Variants in CP observed in about 807,000 individuals in gnomAD.
CP encodes ceruloplasmin, also known as caeruloplasmin.
A neutral mutation model predicts 122.4 loss-of-function variants in CP; 64 were observed. That is an observed-to-expected ratio of 0.52 (90% CI 0.43 to 0.64). CP has a LOEUF of 0.64. Among genes scored for constraint, CP ranks in the 30% least tolerant of loss-of-function variants. The probability of loss-of-function intolerance (pLI) is 0.00; values close to 1 mark genes in which losing one functional copy is unlikely to be tolerated. For synonymous variants in CP, 440 were observed against 436.4 expected (o/e 1.01, Z -0.10); for missense variants, 1,167 against 1,284.4 (o/e 0.91, Z 1.40).
intron 9 of CP, among the ~76,000 whole-genome samples, chr3:149,197,265 A>C (rs1002121054): frequency 1.1e-4 from 16 of 152,216 alleles, no homozygotes; most frequent in African/African-American, 3.9e-4. Flanking sequence ...CATGAAAGTC[A>C]TACTCTTTCT....
At chr3:149,187,987 G>A in intron 10 of CP, 65 bp downstream of exon 10, 10 of 1,553,716 alleles carry the variant, frequency 6.4e-6, no homozygotes, top group Non-Finnish European at 8.9e-6. Flanking sequence ...ATTTTGTTTA[G>A]TTAAAAGCAT....
intron 14 of CP, among the ~76,000 whole-genome samples, chr3:149,180,960 G>A (rs1268333083): frequency 6.6e-6 from 1 of 151,898 alleles, no homozygotes; most frequent in Non-Finnish European, 1.5e-5. Flanking sequence ...ACCAGAATAT[G>A]ATAACATCTC....
At chr3:149,186,832 A>G (rs1388537759) in intron 10 of CP, 100 bp from the exon 11 acceptor site, 1 of 1,083,992 alleles carries the variant, frequency 9.2e-7, no homozygotes, top group Non-Finnish European at 1.4e-6. Flanking sequence ...TTAATTTTTA[A>G]AAGACCTATT....
At chr3:149,209,610 C>T (rs1468890827) in intron 3 of CP, among the ~76,000 whole-genome samples, 1 of 152,122 alleles carries the variant, frequency 6.6e-6, no homozygotes, top group East Asian at 1.9e-4. Flanking sequence ...CCACTGACCA[C>T]ATAACTATTA....
At chr3:149,189,698 GAAC>G (rs1484178417) in intron 9 of CP, among the ~76,000 whole-genome samples, 1 of 152,024 alleles carries the variant, frequency 6.6e-6, no homozygotes, top group Admixed American at 6.5e-5. Context: ...ACCAGGTAAA[GAAC>G]AACAAAAGTC....
intron 14 of CP, chr3:149,180,147 GATC>G (rs1415986193): frequency 5.3e-6 from 1 of 189,860 alleles, no homozygotes; most frequent in Non-Finnish European, 1.1e-5. Context: ...CCTCTCTCAT[GATC>G]ATCCTTAGTG....
intron 9 of CP, among the ~76,000 whole-genome samples, chr3:149,197,569 A>G (rs1369236104): frequency 6.6e-6 from 1 of 152,142 alleles, no homozygotes; most frequent in Non-Finnish European, 1.5e-5. Context: ...TAGTTATAGG[A>G]AATAAAAGCA....
At chr3:149,186,829 T>C in intron 10 of CP, 97 bp from the exon 11 acceptor site, 1 of 1,098,544 alleles carries the variant, frequency 9.1e-7, no homozygotes, top group Non-Finnish European at 1.4e-6. Context: ...TTTTTAATTT[T>C]TAAAAGACCT....
chr3:149,162,938 C>T, intron 5 of CP: 6 of 1,317,970 alleles, frequency 4.6e-6, no homozygotes, highest in South Asian at 1.2e-5. Flanking sequence ...CAAAAACATA[C>T]CTTATTTTTA....
At chr3:149,209,110 G>T in intron 4 of CP, 101 bp downstream of exon 4, 1 of 1,443,524 alleles carries the variant, frequency 6.9e-7, no homozygotes, top group Non-Finnish European at 9.7e-7. Context: ...AAGGACCACA[G>T]ACTAGACACA....
At position 149,214,923 on chromosome 3, in the gene CP, T is replaced by C. The variant is rs144660906; in HGVS notation, c.147-2225A>G. 2.2e-3 allele frequency among the ~76,000 whole-genome samples: 340 copies of C among 152,334 alleles called. 4 individuals are homozygous for C. Among genetic ancestry groups the C allele is most frequent in the African/African-American group, 8.0e-3 (334 of 41,574 alleles). On this transcript the variant is annotated intron_variant, in intron 1 of 18. Coordinates refer to ENST00000264613, the MANE Select transcript of CP (RefSeq NM_000096.4). ...TTTCAGTTAGGTACACAACTGCAGCTGCAAAGTCTACAGTACAAAGGTACA... is the reference window on the plus strand; with the variant it reads ...TTTCAGTTAGGTACACAACTGCAGCCGCAAAGTCTACAGTACAAAGGTACA...
downstream of CP, among the ~76,000 whole-genome samples, chr3:149,171,848 G>GT (rs1426070773): frequency 1.3e-5 from 2 of 152,012 alleles, no homozygotes; most frequent in African/African-American, 2.4e-5. Flanking sequence ...AGGATTACAG[G>GT]TGTGCGCCAC....
chr3:149,166,938 G>T, intron 4 of CP: 1 of 915,352 alleles, frequency 1.1e-6, no homozygotes, highest in Non-Finnish European at 1.8e-6. Context: ...TTTATTTTTG[G>T]CAAGTGAGGT....
chr3:149,199,181 T>A (rs1281706561), intron 8 of CP, among the ~76,000 whole-genome samples: 2 of 152,164 alleles, frequency 1.3e-5, no homozygotes, highest in Non-Finnish European at 2.9e-5. Flanking sequence ...AAAATTATGT[T>A]TATAAAACCC....
At chr3:149,169,386 A>G (rs1265687938), downstream of CP, among the ~76,000 whole-genome samples, 3 of 152,198 alleles carry the variant, frequency 2.0e-5, no homozygotes, top group Non-Finnish European at 4.4e-5. Flanking sequence ...TCGTGAGACT[A>G]AATGAGAAGT....
Position 149,199,723 on chromosome 3 carries a change from G to A in CP, c.1490C>T (p.Pro497Leu), listed in dbSNP as rs766720135. ...EGTYYSPNYN[P>L]QSRSVPPSAS... The stretch of plus-strand genomic sequence containing the variant: ...TGCTGTATACTCACTTCTGCTCTGG[G>A]GGTTGTAATTTGGGGAATAGTATGT... The change falls in exon 8 of 19, where the codon CCC becomes CTC. Residue 497 changes from proline (P) to leucine (L), a missense_variant. This residue lies in a region of CP where 642 missense variants were observed against 627.3 expected (regional missense o/e 1.02). Coordinates refer to ENST00000264613, the MANE Select transcript of CP (RefSeq NM_000096.4). 6.2e-7 allele frequency: 1 copy of A among 1,614,008 alleles called. No homozygotes were observed. The highest frequency in any genetic ancestry group is 8.5e-7 in the Non-Finnish European group (1 of 1,179,986).
Position 149,162,808 on chromosome 3 carries a change from C to T in CP, c.*81G>A, listed in dbSNP as rs552963632. 8.7e-6 allele frequency: 14 copies of T among 1,614,040 alleles called. No homozygotes were observed. Among genetic ancestry groups the T allele is most frequent in the Middle Eastern group, 1.7e-4 (1 of 6,060 alleles). On this transcript the variant is annotated 3_prime_UTR_variant, in exon 6 of 6. Coordinates refer to the CP transcript ENST00000479771. ...CAGGAACTCTTTTTCAAACTCACATCACAGTACATCTGGAGATTGTCTAAG... is the reference window on the plus strand; with the variant it reads ...CAGGAACTCTTTTTCAAACTCACATTACAGTACATCTGGAGATTGTCTAAG...
rs548078405 is a variant in CP at position 149,192,682 on chromosome 3, C to T, written c.1714-4480G>A. Among the ~76,000 whole-genome samples, 5 of 151,336 alleles carry T rather than the reference C, an allele frequency of 3.3e-5. No individual in the cohort carries two copies. In the South Asian group the frequency reaches 6.3e-4, roughly 19 times the overall value. ...TATGTATGTAGTATACACACACACACATATATATATTATATGGCTTAATAT... is the reference window on the plus strand; with the variant it reads ...TATGTATGTAGTATACACACACACATATATATATATTATATGGCTTAATAT... On this transcript the variant is annotated intron_variant, in intron 9 of 18. Coordinates refer to ENST00000264613, the MANE Select transcript of CP (RefSeq NM_000096.4).
intron 5 of CP, chr3:149,162,960 T>G: frequency 8.5e-7 from 1 of 1,180,024 alleles, no homozygotes; most frequent in Non-Finnish European, 1.3e-6. Context: ...TAACTTATTA[T>G]AAAATCTAAC....
Sources: allele counts gnomAD v4.1 joint callset (sites outside exome capture counted in the v4.1 genomes callset), GRCh38; gene constraint gnomAD v4.1.1; regional missense constraint gnomAD v4.1.1; transcripts MANE v1.5; gene names NCBI Gene and HGNC (gene_info 2026-07-23, HGNC 2026-07-21).